The following KCNH7 variants were observed in gnomAD, a reference collection of about 807,000 sequenced individuals.
KCNH7 encodes the protein voltage-gated inwardly rectifying potassium channel KCNH7.
In KCNH7, 49 loss-of-function variants were observed where a neutral mutation model predicts 120.8. The ratio of observed to expected loss-of-function variants is 0.41; its 90% CI spans 0.32 to 0.51. The LOEUF is 0.51. Ranked by LOEUF, KCNH7 falls within the 20% of genes least tolerant of loss-of-function variation. KCNH7 has a pLI of 0.38. For synonymous variants in KCNH7, 547 were observed against 516.1 expected (o/e 1.06, Z -0.81); for missense variants, 1,097 against 1,446.6 (o/e 0.76, Z 3.92).
At chr2:162,441,999 C>CTTTTTGTTTTTTTTT (rs1688431329) in intron 7 of KCNH7, among the ~76,000 whole-genome samples, 3 of 41,528 alleles carry the variant, frequency 7.2e-5, no homozygotes, top group Admixed American at 3.7e-4. Flanking sequence ...GTTAGGTCTT[C>CTTTTTGTTTTTTTTT]TTTTTTTTTT....
At chr2:162,690,442 C>T (rs988465507) in intron 2 of KCNH7, among the ~76,000 whole-genome samples, 1 of 152,084 alleles carries the variant, frequency 6.6e-6, no homozygotes, top group Non-Finnish European at 1.5e-5. Context: ...AAAGGAAATG[C>T]TGGTTTTACC....
intron 2 of KCNH7, among the ~76,000 whole-genome samples, chr2:162,591,563 C>T (rs1390847486): frequency 1.3e-5 from 2 of 151,926 alleles, no homozygotes; most frequent in Non-Finnish European, 2.9e-5. Context: ...CATAGTGGTG[C>T]AATTAATTTG....
intron 2 of KCNH7, among the ~76,000 whole-genome samples, chr2:162,676,816 G>A (rs962834496): frequency 1.3e-5 from 2 of 151,188 alleles, no homozygotes; most frequent in African/African-American, 4.8e-5. Context: ...ACCACATAAG[G>A]GTCCATTTTG....
intron 2 of KCNH7, among the ~76,000 whole-genome samples, chr2:162,605,969 T>C (rs1465443568): frequency 6.6e-6 from 1 of 152,136 alleles, no homozygotes; most frequent in African/African-American, 2.4e-5. Flanking sequence ...TACTCCAATA[T>C]GCCAAGACTT....
In KCNH7 at chr2:162,530,469, C is replaced by CGT. The variant is rs200809262; in HGVS notation, c.463+6455_463+6456insAC. Reference sequence around the variant, plus strand: ...AGACACGCTAGTGTGCGCGAGCGTGCGCGCACACACACACACACACACACA... The same window carrying CGT: ...AGACACGCTAGTGTGCGCGAGCGTGCGTGCGCACACACACACACACACACACA... On this transcript the variant is annotated intron_variant, in intron 3 of 15. Transcript: ENST00000332142. Among the ~76,000 whole-genome samples the CGT allele has an allele frequency of 9.6e-3, 1,440 of 150,754 alleles. 20 individuals carry two copies. The highest frequency in any genetic ancestry group is 0.033 in the African/African-American group (1,366 of 40,982).
intron 2 of KCNH7, among the ~76,000 whole-genome samples, chr2:162,738,067 CAAAAAAAAAA>C (rs58433565): frequency 5.4e-5 from 3 of 56,028 alleles, no homozygotes; most frequent in African/African-American, 1.6e-4. Context: ...GACTTCATAT[CAAAAAAAAAA>C]AAAAAAAAAA....
intron 2 of KCNH7, among the ~76,000 whole-genome samples, chr2:162,571,919 G>A (rs1324700018): frequency 3.3e-5 from 5 of 151,818 alleles, no homozygotes; most frequent in African/African-American, 9.7e-5. Context: ...AGACTTAAAC[G>A]TTAGACCTAA....
At chr2:162,651,549 C>T (rs1684565367) in intron 2 of KCNH7, among the ~76,000 whole-genome samples, 1 of 152,046 alleles carries the variant, frequency 6.6e-6, no homozygotes, top group Non-Finnish European at 1.5e-5. Flanking sequence ...TTTTTAATGG[C>T]TGAATAGTAT....
chr2:162,595,205 T>G (rs1006219563), intron 2 of KCNH7, among the ~76,000 whole-genome samples: 10 of 151,942 alleles, frequency 6.6e-5, no homozygotes, highest in Admixed American at 3.9e-4. Flanking sequence ...CAAGCACCTT[T>G]TTCACAGGGT....
chr2:162,439,153 T>C, intron 7 of KCNH7, among the ~76,000 whole-genome samples: 1 of 152,136 alleles, frequency 6.6e-6, no homozygotes, highest in East Asian at 1.9e-4. Flanking sequence ...ATTTTTTGAT[T>C]TTTGAAAATA....
At chr2:162,528,943 T>C (rs543973782) in intron 3 of KCNH7, among the ~76,000 whole-genome samples, 1 of 152,072 alleles carries the variant, frequency 6.6e-6, no homozygotes, top group African/African-American at 2.4e-5. Flanking sequence ...AAGTTTAGTA[T>C]CATGCCGAGG....
chr2:162,570,407 T>G (rs1396377550), intron 2 of KCNH7, among the ~76,000 whole-genome samples: 1 of 151,976 alleles, frequency 6.6e-6, no homozygotes, highest in African/African-American at 2.4e-5. Context: ...ATCCTTTTAT[T>G]TTGAGCCTAT....
At chr2:162,726,161 C>G (rs1463874027) in intron 2 of KCNH7, among the ~76,000 whole-genome samples, 1 of 152,068 alleles carries the variant, frequency 6.6e-6, no homozygotes, top group South Asian at 2.1e-4. Flanking sequence ...ATACACTAAG[C>G]CTACCTCTAT....
At chr2:162,620,268 T>C (rs1442589560) in intron 2 of KCNH7, among the ~76,000 whole-genome samples, 3 of 151,362 alleles carry the variant, frequency 2.0e-5, no homozygotes, top group Admixed American at 2.0e-4. Flanking sequence ...TTCATATATA[T>C]ATGTATGTAT....
chr2:162,559,054 C>CAAAAAAAAAAAAAAAAAAAAAACAA (rs780823559), intron 2 of KCNH7, among the ~76,000 whole-genome samples: 1 of 37,174 alleles, frequency 2.7e-5, no homozygotes, highest in Non-Finnish European at 5.6e-5. Flanking sequence ...GACTCTGCCT[C>CAAAAAAAAAAAAAAAAAAAAAACAA]AAAAAAAAAA....
chr2:162,811,495 G>A (rs1278901953), intron 2 of KCNH7, among the ~76,000 whole-genome samples: 1 of 151,962 alleles, frequency 6.6e-6, no homozygotes, highest in African/African-American at 2.4e-5. Flanking sequence ...TTACAACTGA[G>A]GATTTTACCC....
intron 6 of KCNH7, among the ~76,000 whole-genome samples, chr2:162,459,738 G>A (rs1189004748): frequency 1.3e-5 from 2 of 152,156 alleles, no homozygotes; most frequent in Admixed American, 1.3e-4. Flanking sequence ...GCACAATCAT[G>A]TGAACCAGCT....
intron 2 of KCNH7, among the ~76,000 whole-genome samples, chr2:162,826,637 T>C (rs1047049260): frequency 6.6e-6 from 1 of 152,266 alleles, no homozygotes; most frequent in Middle Eastern, 3.4e-3. Context: ...AGATGGTGAA[T>C]GCATGAATGA....
intron 6 of KCNH7, among the ~76,000 whole-genome samples, chr2:162,499,170 A>AT (rs1179064925): frequency 4.3e-4 from 65 of 152,256 alleles, no homozygotes; most frequent in Admixed American, 5.2e-4. Context: ...TTGGCACAAT[A>AT]TTTGAACTAA....
Sources: gnomAD v4.1 joint callset for allele counts (sites outside exome capture counted in the v4.1 genomes callset) on GRCh38, gnomAD v4.1.1 for gene constraint, MANE v1.5 for transcripts, NCBI Gene and HGNC (gene_info 2026-07-23, HGNC 2026-07-21) for gene names.